TRPM8: variants seen among roughly 807,000 people sequenced by gnomAD.
TRPM8 encodes the protein TRPM8 cationic channel.
A neutral mutation model predicts 133.7 loss-of-function variants in TRPM8; 110 were observed. That is an observed-to-expected ratio of 0.82 (90% CI 0.70 to 0.96). The LOEUF is 0.96. Ranked by LOEUF, TRPM8 falls within the 40% of genes least tolerant of loss-of-function variation. The pLI is 0.00. For synonymous variants in TRPM8, 535 were observed against 532.3 expected, an observed-to-expected ratio of 1.01 and a Z score of -0.07; for missense variants, 1,291 against 1,379.5, an observed-to-expected ratio of 0.94 and a Z score of 1.02.
Position 233,983,062 on chromosome 2 carries a change from G to A in TRPM8, c.2599G>A (p.Val867Met). ...TGTCCTCCCCTGACAGCTGATCGAT[G>A]TGTTCTTCTTCCTGTTCCTCTTTGC... is the stretch of plus-strand genomic sequence containing the variant. ...IIMLQRMLIDVFFFLFLFAVW... is the reference protein window; with the variant it reads ...IIMLQRMLIDMFFFLFLFAVW... The change falls in exon 20 of 26, where the codon GTG (valine) becomes ATG (methionine). Residue 867 changes from valine (V) to methionine (M), a missense_variant. Val to Met is a conservative substitution (Grantham distance 21). This residue lies in a region of TRPM8 where 328 missense variants were observed against 410.6 expected (regional missense o/e 0.80). Coordinates refer to ENST00000324695, the MANE Select transcript of TRPM8 (RefSeq NM_024080.5). 1 of 1,612,800 alleles carries A rather than the reference G, an allele frequency of 6.2e-7. No individual in the cohort carries two copies. Among genetic ancestry groups the A allele is most frequent in the South Asian group, 1.1e-5 (1 of 91,068 alleles).
intron 13 of TRPM8, 49 bp downstream of exon 13, chr2:233,963,426 A>T (rs768216399): frequency 2.5e-6 from 3 of 1,195,852 alleles, no homozygotes; most frequent in African/African-American, 3.0e-5. Flanking sequence ...ATGCTTTGTT[A>T]TAACAGTTCT....
intron 22 of TRPM8, among the ~76,000 whole-genome samples, chr2:233,997,837 C>A (rs941908678): frequency 6.6e-6 from 1 of 152,112 alleles, no homozygotes; most frequent in Non-Finnish European, 1.5e-5. Context: ...TGCTCCCCAC[C>A]CAGCCACCAC....
intron 25 of TRPM8, among the ~76,000 whole-genome samples, chr2:234,016,246 A>G (rs552454837): frequency 9.1e-4 from 138 of 152,196 alleles, no homozygotes; most frequent in African/African-American, 2.8e-3. Context: ...AAAAAAGAGG[A>G]GCAAAAGAGC....
At chr2:233,963,574 T>TG (rs958272836) in intron 13 of TRPM8, among the ~76,000 whole-genome samples, 197 bp downstream of exon 13, 5 of 152,096 alleles carry the variant, frequency 3.3e-5, no homozygotes, top group Admixed American at 1.3e-4. Flanking sequence ...TAGTCAGGCT[T>TG]GGGGGGCAGT....
chr2:233,945,974 T>C lies in TRPM8; in HGVS notation c.818T>C (p.Val273Ala). 1 of 1,614,178 alleles carries C rather than the reference T, an allele frequency of 6.2e-7. No homozygotes were observed. The highest frequency in any genetic ancestry group is 1.3e-5 in the African/African-American group (1 of 75,046). Residue 273 changes from valine (V) to alanine (A), a missense_variant, in exon 7 of 26, where the codon GTC becomes GCC. Val to Ala is a moderately conservative substitution (Grantham distance 64). Coordinates refer to ENST00000324695, the MANE Select transcript of TRPM8 (RefSeq NM_024080.5). ...AATGGCTGTCATGGACATCCCACTG[T>C]CGAAGCAAAGCTCCGGAATCAGCTA... The part of the protein sequence containing the change: ...VDNGCHGHPT[V>A]EAKLRNQLEK...
At chr2:234,007,974 G>A in intron 23 of TRPM8, 96 bp from the exon 24 acceptor site, 1 of 1,184,116 alleles carries the variant, frequency 8.4e-7, no homozygotes, top group South Asian at 1.3e-5. Flanking sequence ...CTTGTATTCT[G>A]TACTTTAATT....
At chr2:233,926,194 A>C (rs762985760) in intron 1 of TRPM8, among the ~76,000 whole-genome samples, 1 of 152,198 alleles carries the variant, frequency 6.6e-6, no homozygotes, top group Non-Finnish European at 1.5e-5. Context: ...GATGGAGTGC[A>C]CTGTGATGCA....
chr2:234,011,043 T>C (rs1692824430), intron 24 of TRPM8, among the ~76,000 whole-genome samples: 2 of 152,250 alleles, frequency 1.3e-5, no homozygotes, highest in Admixed American at 1.3e-4. Flanking sequence ...AAAAAAATCA[T>C]TGCCACGACC....
intron 2 of TRPM8, among the ~76,000 whole-genome samples, chr2:233,928,760 CCCA>C (rs1020310325): frequency 2.0e-5 from 3 of 152,154 alleles, no homozygotes; most frequent in African/African-American, 7.2e-5. Context: ...TGCTCTTGTG[CCCA>C]CCACCAGCTT....
In TRPM8 at chr2:233,954,371, A is replaced by T. The variant is rs564653575; in HGVS notation, c.1243+352A>T. ...ATGGATCTTTGTCCTAGCATTCTAC[A>T]TATTTGTACACATATGCACACATAC... On this transcript the variant is annotated intron_variant, in intron 10 of 25. Transcript: ENST00000324695. Among the ~76,000 whole-genome samples, 9 of 152,344 alleles carry T rather than the reference A, an allele frequency of 5.9e-5. No individual in the cohort carries two copies. The East Asian group carries it at 1.7e-3, about 29-fold the overall frequency.
At chr2:233,971,246 G>C (rs918359176) in intron 17 of TRPM8, among the ~76,000 whole-genome samples, 1 of 152,144 alleles carries the variant, frequency 6.6e-6, no homozygotes, top group African/African-American at 2.4e-5. Flanking sequence ...GATCTGGAGG[G>C]GGCAAAGAGT....
At chr2:234,002,066 G>A (rs186443389) in intron 22 of TRPM8, among the ~76,000 whole-genome samples, 102 of 152,196 alleles carry the variant, frequency 6.7e-4, no homozygotes, top group African/African-American at 2.3e-3. Flanking sequence ...ATGTGCAGGG[G>A]GTTGTGATGG....
At position 233,926,713 on chromosome 2, in the gene TRPM8, A is replaced by G; in HGVS notation, c.117+59A>G. 3 of 1,318,640 alleles carry G rather than the reference A, an allele frequency of 2.3e-6. No homozygotes were observed. The East Asian group carries it at 6.9e-5, about 31-fold the overall frequency. 81.7% of individuals were successfully genotyped at this position (1,318,640 alleles called of 1,614,324 possible). A position where few individuals can be genotyped will look rare whatever the true frequency, so the allele number is the denominator to read the frequency against. On this transcript the variant is annotated intron_variant, in intron 2 of 25. Transcript: ENST00000324695. Reference sequence around the variant, plus strand: ...TCATTGTAACCTTCGTAAGCCGTCAAATCCTGCATTTGCACATTGACTTTT... The same window carrying G: ...TCATTGTAACCTTCGTAAGCCGTCAGATCCTGCATTTGCACATTGACTTTT...
At chr2:233,992,200 A>G (rs1692296379) in intron 21 of TRPM8, among the ~76,000 whole-genome samples, 1 of 152,034 alleles carries the variant, frequency 6.6e-6, no homozygotes, top group East Asian at 1.9e-4. Flanking sequence ...GAGTCTCCTT[A>G]CTAAATTACT....
Position 234,019,116 on chromosome 2 carries a change from A to T in TRPM8, c.*1860A>T, listed in dbSNP as rs1693030595. The T allele has an allele frequency of 6.6e-6, 1 of 152,212 alleles. No individual in the cohort carries two copies. Among genetic ancestry groups the T allele is most frequent in the Non-Finnish European group, 1.5e-5 (1 of 68,036 alleles). The allele number at this position is 152,212 out of a possible 1,614,324, so 9.4% of individuals were successfully genotyped here. On this transcript the variant is annotated 3_prime_UTR_variant, in exon 26 of 26. Transcript: ENST00000324695. The stretch of plus-strand genomic sequence containing the variant: ...TTGAAAAACTACAAAAGCATTAACT[A>T]AAAAAGTTTATTTTCCTTTTGTCTG...
At chr2:233,923,928 C>G (rs1434918190) in intron 1 of TRPM8, among the ~76,000 whole-genome samples, 1 of 152,226 alleles carries the variant, frequency 6.6e-6, no homozygotes, top group African/African-American at 2.4e-5. Context: ...AGTAAACCAT[C>G]AGGACTTCAG....
At chr2:233,956,840 AAAGTGGAACTAT>A (rs541351837) in intron 11 of TRPM8, among the ~76,000 whole-genome samples, 213 of 152,342 alleles carry the variant, frequency 1.4e-3, no homozygotes, top group African/African-American at 3.9e-3. Context: ...TAGTGGAGGG[AAAGTGGAACTAT>A]AAGTAGGTCC....
intron 22 of TRPM8, among the ~76,000 whole-genome samples, chr2:234,004,399 A>T (rs1488939460): frequency 6.6e-6 from 1 of 152,150 alleles, no homozygotes; most frequent in Non-Finnish European, 1.5e-5. Flanking sequence ...CTCCTTGGAG[A>T]TGACTAATGC....
At chr2:233,935,794 G>A (rs1690718285) in intron 3 of TRPM8, among the ~76,000 whole-genome samples, 1 of 152,156 alleles carries the variant, frequency 6.6e-6, no homozygotes, top group Non-Finnish European at 1.5e-5. Flanking sequence ...GCAGAAGGAA[G>A]CTGGGAGGAG....
Sources: gnomAD v4.1 joint callset for allele counts (sites outside exome capture counted in the v4.1 genomes callset) on GRCh38, gnomAD v4.1.1 for gene constraint, gnomAD v4.1.1 regional missense constraint, MANE v1.5 for transcripts, NCBI Gene and HGNC (gene_info 2026-07-23, HGNC 2026-07-21) for gene names.